The following PIK3C2G variants were observed in gnomAD, a reference collection of about 807,000 sequenced individuals.
The protein encoded by PIK3C2G is phosphatidylinositol-4-phosphate 3-kinase catalytic subunit type 2 gamma.
In PIK3C2G, 168 loss-of-function variants were observed where a neutral mutation model predicts 181.1. That is an observed-to-expected ratio of 0.93 (90% confidence interval 0.82 to 1.05). The LOEUF is 1.05. PIK3C2G is among the 50% of genes least tolerant of loss of function. PIK3C2G has a pLI of 0.00. For synonymous variants in PIK3C2G, 573 were observed against 592.2 expected, an observed-to-expected ratio of 0.97 and a Z score of 0.47; for missense variants, 1,869 against 1,732.8, an observed-to-expected ratio of 1.08 and a Z score of -1.40.
the PIK3C2G span, among the ~76,000 whole-genome samples, chr12:18,711,323 G>T: frequency 1.5e-5 from 2 of 133,598 alleles, no homozygotes; most frequent in Non-Finnish European, 3.1e-5. Flanking sequence ...TCATAGGTGG[G>T]AATTGAACAA....
chr12:18,470,059 T>G (rs1403266932), intron 18 of PIK3C2G, among the ~76,000 whole-genome samples: 1 of 152,048 alleles, frequency 6.6e-6, no homozygotes, highest in Non-Finnish European at 1.5e-5. Context: ...TGCTATTATA[T>G]CTCCTCTTTT....
chr12:18,469,273 T>C (rs1359941070), intron 18 of PIK3C2G, among the ~76,000 whole-genome samples: 3 of 152,156 alleles, frequency 2.0e-5, no homozygotes, highest in African/African-American at 7.2e-5. Flanking sequence ...AGGAGGCTTT[T>C]ACCTACAAAG....
chr12:18,560,646 T>C (rs1016947488), intron 26 of PIK3C2G, among the ~76,000 whole-genome samples: 1 of 151,986 alleles, frequency 6.6e-6, no homozygotes, highest in Non-Finnish European at 1.5e-5. Context: ...AATGTACATA[T>C]AATAGTAGTC....
At chr12:18,401,031 G>A (rs1388281008) in intron 16 of PIK3C2G, among the ~76,000 whole-genome samples, 1 of 151,896 alleles carries the variant, frequency 6.6e-6, no homozygotes, top group East Asian at 1.9e-4. Context: ...GCATTTTATG[G>A]TAATGTGTTT....
At chr12:18,492,755 G>GT (rs981536649) in intron 20 of PIK3C2G, among the ~76,000 whole-genome samples, 80 of 151,784 alleles carry the variant, frequency 5.3e-4, no homozygotes, top group Non-Finnish European at 8.0e-4. Context: ...TTTTGTTTTT[G>GT]TTTTTTTTCA....
Position 18,471,699 on chromosome 12 carries a change from T to G in PIK3C2G, c.2505-16750T>G, listed in dbSNP as rs541706579. On this transcript the variant is annotated intron_variant, in intron 18 of 32. Coordinates refer to ENST00000538779, the MANE Select transcript of PIK3C2G (RefSeq NM_001288772.2). ...ATTCTGAACAATGGTAATTTCTTCC[T>G]AACTGATTTTCTGTACCAAAAAAAT... Among the ~76,000 whole-genome samples, 30 of 152,320 alleles carry G rather than the reference T, an allele frequency of 2.0e-4. No individual in the cohort carries two copies. In the East Asian group the frequency reaches 5.6e-3, roughly 28 times the overall value.
intron 5 of PIK3C2G, among the ~76,000 whole-genome samples, chr12:18,297,438 C>G (rs557620987): frequency 1.3e-5 from 2 of 152,004 alleles, no homozygotes; most frequent in South Asian, 4.2e-4. Flanking sequence ...TCATGAGGTA[C>G]ATGTGATATT....
At chr12:18,287,877 A>G (rs962840214) in intron 3 of PIK3C2G, among the ~76,000 whole-genome samples, 2 of 131,318 alleles carry the variant, frequency 1.5e-5, no homozygotes, top group East Asian at 4.9e-4. Context: ...GAAAAAAAAA[A>G]TAGGCTGGGC....
intron 13 of PIK3C2G, among the ~76,000 whole-genome samples, chr12:18,378,157 C>T (rs1049776794): frequency 6.6e-6 from 1 of 152,202 alleles, no homozygotes; most frequent in Non-Finnish European, 1.5e-5. Context: ...TTCTTGAGTC[C>T]CCTCATCTTC....
intron 18 of PIK3C2G, among the ~76,000 whole-genome samples, chr12:18,461,484 A>C (rs1947916011): frequency 6.6e-6 from 1 of 152,202 alleles, no homozygotes; most frequent in African/African-American, 2.4e-5. Context: ...CAGAGAATAC[A>C]CATGAGAATA....
At chr12:18,537,448 G>A (rs1353548542) in intron 24 of PIK3C2G, among the ~76,000 whole-genome samples, 2 of 151,634 alleles carry the variant, frequency 1.3e-5, no homozygotes, top group South Asian at 2.1e-4. Context: ...AGCCCTATCC[G>A]TATCTTAAAT....
chr12:18,441,905 A>G (rs1269692737), intron 18 of PIK3C2G, among the ~76,000 whole-genome samples: 2 of 152,180 alleles, frequency 1.3e-5, no homozygotes, highest in East Asian at 3.8e-4. Context: ...CTGTTCTTGA[A>G]GCTTTGTTTT....
At chr12:18,367,702 G>C (rs1479061721) in intron 12 of PIK3C2G, among the ~76,000 whole-genome samples, 1 of 151,950 alleles carries the variant, frequency 6.6e-6, no homozygotes, top group Non-Finnish European at 1.5e-5. Context: ...TTACAGGCAT[G>C]CATGTGCCAC....
chr12:18,722,139 A>G, the PIK3C2G span, among the ~76,000 whole-genome samples: 2 of 151,946 alleles, frequency 1.3e-5, no homozygotes, highest in African/African-American at 4.8e-5. Context: ...CTCAGCTCAA[A>G]TCTCACACTC....
chr12:18,333,304 A>G (rs1460698879), intron 8 of PIK3C2G, among the ~76,000 whole-genome samples: 1 of 152,060 alleles, frequency 6.6e-6, no homozygotes, highest in Admixed American at 6.6e-5. Flanking sequence ...TTTGTTTATT[A>G]TACTTTAAGT....
At chr12:18,284,029 T>C (rs1347082622) in intron 2 of PIK3C2G, among the ~76,000 whole-genome samples, 2 of 152,050 alleles carry the variant, frequency 1.3e-5, no homozygotes, top group African/African-American at 4.8e-5. Flanking sequence ...GAAGCAGCTG[T>C]GATTTGACAA....
intron 18 of PIK3C2G, among the ~76,000 whole-genome samples, chr12:18,486,486 C>G (rs1332603209): frequency 6.6e-6 from 1 of 151,992 alleles, no homozygotes; most frequent in African/African-American, 2.4e-5. Flanking sequence ...TACAAATTAA[C>G]TGAACAATTC....
At chr12:18,587,828 A>T (rs1946871601) in intron 29 of PIK3C2G, among the ~76,000 whole-genome samples, 1 of 152,124 alleles carries the variant, frequency 6.6e-6, no homozygotes, top group Non-Finnish European at 1.5e-5. Context: ...AACTGGAGGC[A>T]TCATGTTACC....
At chr12:18,465,163 A>T (rs527439962) in intron 18 of PIK3C2G, among the ~76,000 whole-genome samples, 36 of 152,088 alleles carry the variant, frequency 2.4e-4, no homozygotes, top group African/African-American at 8.4e-4. Context: ...GTCAAAAAAC[A>T]TACAAAAACC....
Sources: gnomAD v4.1 joint callset for allele counts (sites outside exome capture counted in the v4.1 genomes callset) on GRCh38, gnomAD v4.1.1 for gene constraint, MANE v1.5 for transcripts, NCBI Gene and HGNC (gene_info 2026-07-23, HGNC 2026-07-21) for gene names.